GPATCH8: variants seen among roughly 807,000 people sequenced by gnomAD.
GPATCH8 encodes G patch domain-containing protein 8.
Under a neutral mutation model 118.3 loss-of-function variants are expected in GPATCH8, and 18 were observed. That is an observed-to-expected ratio of 0.15 (90% CI 0.11 to 0.23). GPATCH8 has a LOEUF of 0.23. Ranked by LOEUF, GPATCH8 falls within the 10% of genes least tolerant of loss-of-function variation. The pLI is 1.00. For synonymous variants in GPATCH8, 659 were observed against 684.7 expected (o/e 0.96, Z 0.59); for missense variants, 1,631 against 1,873.8 (o/e 0.87, Z 2.39).
intron 1 of GPATCH8, among the ~76,000 whole-genome samples, chr17:44,495,722 C>A (rs553967033): frequency 5.3e-5 from 8 of 152,134 alleles, no homozygotes; most frequent in Non-Finnish European, 7.3e-5. Context: ...TACCCTAGTA[C>A]AATATTAAAC....
At chr17:44,486,622 TA>T (rs1968804878) in intron 1 of GPATCH8, 1 of 152,210 alleles carries the variant, frequency 6.6e-6, no homozygotes, top group African/African-American at 2.4e-5. Flanking sequence ...CCCCCTTTAT[TA>T]AAATATACTA....
intron 3 of GPATCH8, among the ~76,000 whole-genome samples, chr17:44,457,630 A>G (rs2051383220): frequency 6.6e-6 from 1 of 152,180 alleles, no homozygotes; most frequent in Non-Finnish European, 1.5e-5. Flanking sequence ...ATATCCTAAA[A>G]ATTTTGTTAA....
At chr17:44,480,023 C>T (rs368886892) in intron 1 of GPATCH8, among the ~76,000 whole-genome samples, 1 of 151,686 alleles carries the variant, frequency 6.6e-6, no homozygotes, top group African/African-American at 2.4e-5. Context: ...AATCTTATTC[C>T]TTTTCAAAAA....
rs141134422 is a variant in GPATCH8 at position 44,398,515 on chromosome 17, G to C, written c.3562C>G (p.Leu1188Val). 6.2e-7 allele frequency: 1 copy of C among 1,601,942 alleles called. No homozygotes were observed. Among genetic ancestry groups the C allele is most frequent in the South Asian group, 1.1e-5 (1 of 88,798 alleles). ...EEGPPGSSDALFGHQFPSEET... is the reference protein window; with the variant it reads ...EEGPPGSSDAVFGHQFPSEET... ...TCTGAAGGGAACTGATGCCCAAATA[G>C]GGCATCACTACTCCCTGGGGGCCCC... Residue 1188 changes from leucine (L) to valine (V), a missense_variant, in exon 8 of 8, where the codon CTA becomes GTA. Leu to Val is a conservative substitution (Grantham distance 32). Around this residue, in one of 8 missense-constraint regions of GPATCH8, gnomAD observed 922 missense variants for 879.7 expected, o/e 1.05. Transcript: ENST00000591680.
At chr17:44,410,948 TA>T (rs1481512770) in intron 6 of GPATCH8, among the ~76,000 whole-genome samples, 2 of 152,154 alleles carry the variant, frequency 1.3e-5, no homozygotes, top group Non-Finnish European at 2.9e-5. Flanking sequence ...AAACATAACT[TA>T]AACAGCATTA....
At chr17:44,489,579 A>T (rs982029255) in intron 1 of GPATCH8, among the ~76,000 whole-genome samples, 1 of 152,104 alleles carries the variant, frequency 6.6e-6, no homozygotes, top group African/African-American at 2.4e-5. Flanking sequence ...ACCTCAGGTG[A>T]TCCGCCCGCC....
Position 44,396,432 on chromosome 17 carries a change from C to A in GPATCH8, c.*1136G>T. 1 of 454,326 alleles carries A rather than the reference C, an allele frequency of 2.2e-6. No individual in the cohort carries two copies. 28.1% of individuals were successfully genotyped at this position (454,326 alleles called of 1,614,324 possible). A position where few individuals can be genotyped will look rare whatever the true frequency, so the allele number is the denominator to read the frequency against. The stretch of plus-strand genomic sequence containing the variant: ...CTCAAAAATCCCAATACTGGGGGCA[C>A]TACATACTGCAAATTACTTAACATT... On this transcript the variant is annotated 3_prime_UTR_variant, in exon 8 of 8. Coordinates refer to ENST00000591680, the MANE Select transcript of GPATCH8 (RefSeq NM_001002909.4).
chr17:44,426,848 A>ACACACT (rs1491366897), intron 5 of GPATCH8, among the ~76,000 whole-genome samples: 4 of 35,396 alleles, frequency 1.1e-4, no homozygotes, highest in Admixed American at 3.4e-4. Context: ...ACACACACAC[A>ACACACT]CTCTCTCTCT....
chr17:44,422,318 A>G (rs1350761145), intron 6 of GPATCH8, among the ~76,000 whole-genome samples: 1 of 151,854 alleles, frequency 6.6e-6, no homozygotes, highest in East Asian at 1.9e-4. Flanking sequence ...AGTAGCTGCG[A>G]TTACACATGT....
intron 2 of GPATCH8, among the ~76,000 whole-genome samples, chr17:44,466,863 GC>G: frequency 6.6e-6 from 1 of 151,884 alleles, no homozygotes; most frequent in Non-Finnish European, 1.5e-5. Flanking sequence ...ACTATATTTG[GC>G]ACCAAGATTT....
At position 44,474,921 on chromosome 17, in the gene GPATCH8, C is replaced by T. The variant is rs764533324; in HGVS notation, c.46-18G>A. 2 of 1,312,976 alleles carry T rather than the reference C, an allele frequency of 1.5e-6. No individual in the cohort carries two copies. Among genetic ancestry groups the T allele is most frequent in the East Asian group, 2.3e-5 (1 of 43,414 alleles). The allele number at this position is 1,312,976 out of a possible 1,614,324, so 81.3% of individuals were successfully genotyped here. The stretch of plus-strand genomic sequence containing the variant: ...TGATTACCCTGAAAAAAGATGATTA[C>T]AGTTATTTTTCAAAAGCAGTTAAGT... On this transcript the variant is annotated intron_variant, in intron 1 of 7. Transcript: ENST00000591680.
chr17:44,491,486 C>T (rs1448664842), intron 1 of GPATCH8, among the ~76,000 whole-genome samples: 1 of 69,562 alleles, frequency 1.4e-5, no homozygotes, highest in African/African-American at 5.0e-5. Context: ...GACTCCGTCT[C>T]AAAAAAAAAA....
chr17:44,478,916 G>A (rs1967994094), intron 1 of GPATCH8, among the ~76,000 whole-genome samples: 1 of 151,556 alleles, frequency 6.6e-6, no homozygotes, highest in Non-Finnish European at 1.5e-5. Flanking sequence ...TTTTTATTTT[G>A]ATTTAGATGG....
chr17:44,501,004 T>C (rs912916921), intron 1 of GPATCH8, among the ~76,000 whole-genome samples: 1 of 152,248 alleles, frequency 6.6e-6, no homozygotes, highest in East Asian at 1.9e-4. Context: ...TATTTTTCAA[T>C]GAATGTACTT....
chr17:44,502,259 G>A (rs1748525133), intron 1 of GPATCH8, among the ~76,000 whole-genome samples: 1 of 151,898 alleles, frequency 6.6e-6, no homozygotes, highest in Non-Finnish European at 1.5e-5. Flanking sequence ...GAGTGCTTTC[G>A]TACTGCTTTG....
intron 6 of GPATCH8, among the ~76,000 whole-genome samples, chr17:44,419,504 C>T (rs572408346): frequency 1.3e-5 from 2 of 151,996 alleles, no homozygotes; most frequent in East Asian, 3.9e-4. Context: ...TTTTGTTGTC[C>T]GAGACAGGGT....
chr17:44,441,481 T>C (rs773268064), intron 3 of GPATCH8, among the ~76,000 whole-genome samples: 2 of 152,144 alleles, frequency 1.3e-5, no homozygotes, highest in African/African-American at 2.4e-5. Context: ...CCCAGCACTG[T>C]GGGAGGCTGA....
intron 6 of GPATCH8, among the ~76,000 whole-genome samples, chr17:44,419,113 G>C (rs1298471792): frequency 6.6e-6 from 1 of 152,212 alleles, no homozygotes; most frequent in Non-Finnish European, 1.5e-5. Flanking sequence ...TCCTTTTGGA[G>C]AGATTATTTG....
intron 2 of GPATCH8, chr17:44,467,177 T>C (rs1488701354): frequency 4.8e-6 from 3 of 627,568 alleles, no homozygotes; most frequent in Non-Finnish European, 7.4e-6. Flanking sequence ...AATGGTCGTT[T>C]TTTTTTTTGT....
Sources: allele counts gnomAD v4.1 joint callset (sites outside exome capture counted in the v4.1 genomes callset), GRCh38; gene constraint gnomAD v4.1.1; regional missense constraint gnomAD v4.1.1; transcripts MANE v1.5; gene names NCBI Gene and HGNC (gene_info 2026-07-23, HGNC 2026-07-21).